HOXD9: variants seen among roughly 807,000 people sequenced by gnomAD.
HOXD9 encodes the protein homeobox D9.
HOXD9 carries 21 observed loss-of-function variants against 24.6 expected under a neutral mutation model. The observed-to-expected ratio is 0.85, with a 90% CI of 0.61 to 1.23. The LOEUF is 1.23. Ranked by LOEUF, HOXD9 falls within the 50% of genes most tolerant of loss-of-function variation. HOXD9 has a pLI of 0.00. For missense variants in HOXD9, 503 were observed against 503.6 expected, an observed-to-expected ratio of 1.00 and a Z score of 0.01; for synonymous variants, 240 against 226.4, an observed-to-expected ratio of 1.06 and a Z score of -0.54.
At position 176,124,294 on chromosome 2, in the gene HOXD9, TC is replaced by T. The variant is rs201376389; in HGVS notation, c.*120del. 89,173 of 1,046,162 alleles carry T rather than the reference TC, an allele frequency of 0.085. 393 individuals carry two copies. The highest frequency in any genetic ancestry group is 0.089 in the Non-Finnish European group (69,170 of 780,840). 64.8% of individuals were successfully genotyped at this position (1,046,162 alleles called of 1,614,324 possible). A position where few individuals can be genotyped will look rare whatever the true frequency, so the allele number is the denominator to read the frequency against. ...CTCTCCAGCGACTTGGACTTCTTCT[TC>T]TTTTTTTTTTTCTTTTTAGATAGAA... On this transcript the variant is annotated 3_prime_UTR_variant, in exon 2 of 2. Transcript: ENST00000249499.
Position 176,123,709 on chromosome 2 carries a change from C to A in HOXD9, c.817+124C>A. 1 of 1,292,042 alleles carries A rather than the reference C, an allele frequency of 7.7e-7. No homozygotes were observed. The highest frequency in any genetic ancestry group is 1.0e-6 in the Non-Finnish European group (1 of 971,010). The allele number at this position is 1,292,042 out of a possible 1,614,324, so 80.0% of individuals were successfully genotyped here. A position where few individuals can be genotyped will look rare whatever the true frequency, so the allele number is the denominator to read the frequency against. On this transcript the variant is annotated intron_variant, in intron 1 of 1. Transcript: ENST00000249499. This position sits in a 1 kb window ranked among gnomAD's most constrained non-coding sequence, Gnocchi z 4.2. ...CGCCTACCCAAGCCTAGGCGAACAA[C>A]ATGCATCCATAAAAAGAGCTTCCCA...
chr2:176,123,444 C>A lies in HOXD9; in HGVS notation c.676C>A (p.Pro226Thr). ...KAAAATGGTGPGAGIGAATGT... is the reference protein window; with the variant it reads ...KAAAATGGTGTGAGIGAATGT... ...GGCAGCGGCGACGGGGGGAACCGGG[C>A]CTGGGGCAGGGATCGGGGCCGCGAC... The change falls in exon 1 of 2, where the codon CCT becomes ACT. Residue 226 changes from proline (P) to threonine (T), a missense_variant. Pro to Thr is a conservative substitution (Grantham distance 38). Transcript: ENST00000249499. This position sits in a 1 kb window ranked among gnomAD's most constrained non-coding sequence, Gnocchi z 4.2. 11 of 1,566,390 alleles carry A rather than the reference C, an allele frequency of 7.0e-6. No individual in the cohort carries two copies. The highest frequency in any genetic ancestry group is 9.5e-6 in the Non-Finnish European group (11 of 1,155,544).
Position 176,124,391 on chromosome 2 carries a change from A to ATCCC in HOXD9, c.*216_*217insTCCC, listed in dbSNP as rs1456543074. ...TGCTCGTTTACGTGTTGGAAAAACC[A>ATCCC]AGTGGCTTTGGGGTTTCGCCCTATC... On this transcript the variant is annotated 3_prime_UTR_variant, in exon 2 of 2. Coordinates refer to ENST00000249499, the MANE Select transcript of HOXD9 (RefSeq NM_014213.4). The ATCCC allele has an allele frequency of 1.0e-4, 56 of 560,634 alleles. No homozygotes were observed. The highest frequency in any genetic ancestry group is 1.9e-4 in the Admixed American group (5 of 25,834). 34.7% of individuals were successfully genotyped at this position (560,634 alleles called of 1,614,324 possible). A position where few individuals can be genotyped will look rare whatever the true frequency, so the allele number is the denominator to read the frequency against.
chr2:176,124,341 T>G lies in HOXD9; in HGVS notation c.*166T>G. 3.6e-6 allele frequency: 4 copies of G among 1,104,216 alleles called. No individual in the cohort carries two copies. Among genetic ancestry groups the G allele is most frequent in the Non-Finnish European group, 4.9e-6 (4 of 814,620 alleles). 68.4% of individuals were successfully genotyped at this position (1,104,216 alleles called of 1,614,324 possible). On this transcript the variant is annotated 3_prime_UTR_variant, in exon 2 of 2. Transcript: ENST00000249499. Reference sequence around the variant, plus strand: ...TAGAAGTGACTGTGTGGTTGGTCTCTGAGGTATTTGGGGGACTCTGTATTT... The same window carrying G: ...TAGAAGTGACTGTGTGGTTGGTCTCGGAGGTATTTGGGGGACTCTGTATTT...
chr2:176,123,995 C>G lies in HOXD9; in HGVS notation c.879C>G (p.Thr293=). ...CCCGGAAAAAGCGCTGTCCCTACAC[C>G]AAATACCAGACGCTTGAGCTGGAGA... The part of the protein sequence containing the change: ...RSTRKKRCPY[T]KYQTLELEKE... Residue 293 remains threonine, a synonymous_variant, in exon 2 of 2, where the codon ACC becomes ACG. Coordinates refer to ENST00000249499, the MANE Select transcript of HOXD9 (RefSeq NM_014213.4). The surrounding 1 kb of genome is among the most constrained non-coding windows in gnomAD (Gnocchi z 4.2). 6.2e-7 allele frequency: 1 copy of G among 1,614,130 alleles called. No homozygotes were observed. The highest frequency in any genetic ancestry group is 8.5e-7 in the Non-Finnish European group (1 of 1,180,010).
chr2:176,122,980 G>C lies in HOXD9; in HGVS notation c.212G>C (p.Arg71Thr). The C allele has an allele frequency of 5.6e-6, 9 of 1,598,358 alleles. No individual in the cohort carries two copies. The highest frequency in any genetic ancestry group is 2.2e-5 in the South Asian group (2 of 89,620). ...TTCGCCTCGTGTAGTTTTGCCCCCA[G>C]ATCGGCCGTGTTCTCTGCCTCGTGG... ...AEFASCSFAPRSAVFSASWSA... is the reference protein window; with the variant it reads ...AEFASCSFAPTSAVFSASWSA... Residue 71 changes from arginine to threonine, a missense_variant, in exon 1 of 2, where the codon AGA (arginine) becomes ACA (threonine). By Grantham distance (71) the Arg-to-Thr change is moderately conservative. Transcript: ENST00000249499.
rs1015721717 is a variant in HOXD9 at position 176,123,288 on chromosome 2, G to C, written c.520G>C (p.Ala174Pro). 1 of 1,530,656 alleles carries C rather than the reference G, an allele frequency of 6.5e-7. No individual in the cohort carries two copies. Among genetic ancestry groups the C allele is most frequent in the Non-Finnish European group, 8.8e-7 (1 of 1,136,184 alleles). The allele number at this position is 1,530,656 out of a possible 1,614,324, so 94.8% of individuals were successfully genotyped here. A position where few individuals can be genotyped will look rare whatever the true frequency, so the allele number is the denominator to read the frequency against. ...AGCGGCCCCGGCCCCCGCCACGGCC[G>C]CCTCCACCACCTCCTCCTCCTCCAC... ...TRAAPAPATA[A>P]STTSSSSTSL... Residue 174 changes from alanine (A) to proline (P), a missense_variant, in exon 1 of 2, where the codon GCC becomes CCC. By Grantham distance (27) the Ala-to-Pro change is conservative. Coordinates refer to ENST00000249499, the MANE Select transcript of HOXD9 (RefSeq NM_014213.4). This position sits in a 1 kb window ranked among gnomAD's most constrained non-coding sequence, Gnocchi z 4.2.
In HOXD9 at chr2:176,122,930, T is replaced by C. The variant is rs369936511; in HGVS notation, c.162T>C (p.Asp54=). ...GAQGRPAGVA[D]GPAATAAEFA... ...AGGGCCGGCCTGCAGGTGTGGCTGATGGCCCGGCCGCCACCGCCGCCGAGT... is the reference window on the plus strand; with the variant it reads ...AGGGCCGGCCTGCAGGTGTGGCTGACGGCCCGGCCGCCACCGCCGCCGAGT... The change falls in exon 1 of 2, where the codon GAT becomes GAC. Residue 54 remains aspartate, a synonymous_variant. Transcript: ENST00000249499. 4.1e-5 allele frequency: 65 copies of C among 1,581,266 alleles called. No individual in the cohort carries two copies. In the African/African-American group the frequency reaches 7.2e-4, roughly 18 times the overall value.
rs202080706 is a variant in HOXD9, at chr2:176,122,882, C to T, written c.114C>T (p.Phe38=). ...GCGACGAGGTGTTCGCGGCGCGCTT[C>T]GGGCCGCCGGGGCCAGGCGCGCAGG... ...HEGDEVFAAR[F]GPPGPGAQGR... is the part of the protein sequence containing the mutation. Residue 38 remains phenylalanine, a synonymous_variant, in exon 1 of 2, where the codon TTC becomes TTT. Transcript: ENST00000249499. 8.1e-5 allele frequency: 129 copies of T among 1,593,140 alleles called. No individual in the cohort carries two copies. Among genetic ancestry groups the T allele is most frequent in the Middle Eastern group, 3.3e-4 (2 of 6,032 alleles).
chr2:176,123,431 G>T lies in HOXD9; in HGVS notation c.663G>T (p.Thr221=), dbSNP rs535219899. The T allele has an allele frequency of 5.1e-5, 80 of 1,561,740 alleles. No individual in the cohort carries two copies. In the South Asian group the frequency reaches 8.2e-4, roughly 16 times the overall value. Residue 221 remains threonine, a synonymous_variant, in exon 1 of 2, where the codon ACG becomes ACT. Coordinates refer to ENST00000249499, the MANE Select transcript of HOXD9 (RefSeq NM_014213.4). This position sits in a 1 kb window ranked among gnomAD's most constrained non-coding sequence, Gnocchi z 4.2. ...TGCAGGAGAAGGCGGCAGCGGCGAC[G>T]GGGGGAACCGGGCCTGGGGCAGGGA... ...SFLQEKAAAA[T]GGTGPGAGIG...
chr2:176,123,081 C>T lies in HOXD9; in HGVS notation c.313C>T (p.Leu105=). The change falls in exon 1 of 2, where the codon CTG becomes TTG. Residue 105 remains leucine, a synonymous_variant. Coordinates refer to ENST00000249499, the MANE Select transcript of HOXD9 (RefSeq NM_014213.4). This position sits in a 1 kb window ranked among gnomAD's most constrained non-coding sequence, Gnocchi z 4.2. ...LYHPYVPPPP[L]AASASEPGRY... Reference sequence around the variant, plus strand: ...CCACCCGTACGTTCCCCCGCCGCCCCTGGCCGCCTCTGCCTCCGAGCCCGG... The same window carrying T: ...CCACCCGTACGTTCCCCCGCCGCCCTTGGCCGCCTCTGCCTCCGAGCCCGG... 1 of 1,552,644 alleles carries T rather than the reference C, an allele frequency of 6.4e-7. No homozygotes were observed. Among genetic ancestry groups the T allele is most frequent in the Non-Finnish European group, 8.7e-7 (1 of 1,154,430 alleles).
At position 176,124,103 on chromosome 2, in the gene HOXD9, C is replaced by A. The variant is rs35299188; in HGVS notation, c.987C>A (p.Val329=). 1 of 1,614,070 alleles carries A rather than the reference C, an allele frequency of 6.2e-7. No individual in the cohort carries two copies. The highest frequency in any genetic ancestry group is 1.3e-5 in the African/African-American group (1 of 75,038). ...ARILNLTERQ[V]KIWFQNRRMK... is the part of the protein sequence containing the mutation. ...TTCTCAACCTAACAGAGAGACAGGTCAAAATCTGGTTTCAGAACCGTAGGA... is the reference window on the plus strand; with the variant it reads ...TTCTCAACCTAACAGAGAGACAGGTAAAAATCTGGTTTCAGAACCGTAGGA... Residue 329 remains valine, a synonymous_variant, in exon 2 of 2, where the codon GTC becomes GTA. Coordinates refer to ENST00000249499, the MANE Select transcript of HOXD9 (RefSeq NM_014213.4).
Position 176,122,791 on chromosome 2 carries a change from G to A in HOXD9, c.23G>A (p.Arg8His), listed in dbSNP as rs752228056. Residue 8 changes from arginine to histidine, a missense_variant, in exon 1 of 2, where the codon CGC becomes CAC. Arg to His is a conservative substitution (Grantham distance 29). Coordinates refer to ENST00000249499, the MANE Select transcript of HOXD9 (RefSeq NM_014213.4). ...GTAATGTTGGGTGGGAGTGCGGGACGCCTCAAAATGTCTTCCAGTGGCACC... is the reference window on the plus strand; with the variant it reads ...GTAATGTTGGGTGGGAGTGCGGGACACCTCAAAATGTCTTCCAGTGGCACC... Reference protein sequence around the residue: MLGGSAGRLKMSSSGTLS... With the variant: MLGGSAGHLKMSSSGTLS... 2.0e-6 allele frequency: 3 copies of A among 1,526,618 alleles called. No homozygotes were observed. The highest frequency in any genetic ancestry group is 1.3e-5 in the South Asian group (1 of 77,844). 94.6% of individuals were successfully genotyped at this position (1,526,618 alleles called of 1,614,324 possible).
At position 176,124,334 on chromosome 2, in the gene HOXD9, T is replaced by C; in HGVS notation, c.*159T>C. 8.5e-7 allele frequency: 1 copy of C among 1,181,508 alleles called. No individual in the cohort carries two copies. The highest frequency in any genetic ancestry group is 1.5e-5 in the African/African-American group (1 of 64,836). 73.2% of individuals were successfully genotyped at this position (1,181,508 alleles called of 1,614,324 possible). A position where few individuals can be genotyped will look rare whatever the true frequency, so the allele number is the denominator to read the frequency against. On this transcript the variant is annotated 3_prime_UTR_variant, in exon 2 of 2. Transcript: ENST00000249499. ...TTTTAGATAGAAGTGACTGTGTGGT[T>C]GGTCTCTGAGGTATTTGGGGGACTC...
chr2:176,124,290 TTCTTC>T lies in HOXD9; in HGVS notation c.*117_*121del. ...GAAACTCTCCAGCGACTTGGACTTC[TTCTTC>T]TTTTTTTTTTTCTTTTTAGATAGAA... On this transcript the variant is annotated 3_prime_UTR_variant, in exon 2 of 2. Transcript: ENST00000249499. The T allele has an allele frequency of 4.2e-6, 6 of 1,416,376 alleles. No individual in the cohort carries two copies. In the African/African-American group the frequency reaches 4.3e-5, roughly 10 times the overall value. The allele number at this position is 1,416,376 out of a possible 1,614,324, so 87.7% of individuals were successfully genotyped here. A position where few individuals can be genotyped will look rare whatever the true frequency, so the allele number is the denominator to read the frequency against.
At position 176,123,807 on chromosome 2, in the gene HOXD9, C is replaced by T; in HGVS notation, c.818-127C>T. ...GCATTAAGGCTTTTTATGATAATTC[C>T]CCACAAGTTGTGAAAAGCGACCATC... On this transcript the variant is annotated intron_variant, in intron 1 of 1. Coordinates refer to ENST00000249499, the MANE Select transcript of HOXD9 (RefSeq NM_014213.4). The surrounding 1 kb of genome is among the most constrained non-coding windows in gnomAD (Gnocchi z 4.2). 9.6e-7 allele frequency: 1 copy of T among 1,037,052 alleles called. No individual in the cohort carries two copies. The highest frequency in any genetic ancestry group is 1.4e-6 in the Non-Finnish European group (1 of 719,878). 64.2% of individuals were successfully genotyped at this position (1,037,052 alleles called of 1,614,324 possible).
Position 176,123,418 on chromosome 2 carries a change from C to T in HOXD9, c.650C>T (p.Ala217Val), listed in dbSNP as rs777301502. The T allele has an allele frequency of 3.2e-6, 5 of 1,557,054 alleles. No homozygotes were observed. The highest frequency in any genetic ancestry group is 1.9e-5 in the Admixed American group (1 of 51,882). ...FSCNSFLQEK[A>V]AAATGGTGPG... is the part of the protein sequence containing the mutation. The stretch of plus-strand genomic sequence containing the variant: ...TGCAACTCGTTCCTGCAGGAGAAGG[C>T]GGCAGCGGCGACGGGGGGAACCGGG... The change falls in exon 1 of 2, where the codon GCG (alanine) becomes GTG (valine). Residue 217 changes from alanine to valine, a missense_variant. Transcript: ENST00000249499. This position sits in a 1 kb window ranked among gnomAD's most constrained non-coding sequence, Gnocchi z 4.2.
At position 176,122,945 on chromosome 2, in the gene HOXD9, C is replaced by A. The variant is rs775965995; in HGVS notation, c.177C>A (p.Thr59=). ...GTGTGGCTGATGGCCCGGCCGCCAC[C>A]GCCGCCGAGTTCGCCTCGTGTAGTT... ...PAGVADGPAA[T]AAEFASCSFA... is the part of the protein sequence containing the mutation. Residue 59 remains threonine, a synonymous_variant, in exon 1 of 2, where the codon ACC becomes ACA. Coordinates refer to ENST00000249499, the MANE Select transcript of HOXD9 (RefSeq NM_014213.4). 5 of 1,582,534 alleles carry A rather than the reference C, an allele frequency of 3.2e-6. No individual in the cohort carries two copies. Among genetic ancestry groups the A allele is most frequent in the East Asian group, 2.4e-5 (1 of 41,682 alleles).
In HOXD9 at chr2:176,123,115, T is replaced by C; in HGVS notation, c.347T>C (p.Val116Ala). ...AASASEPGRY[V>A]RSWMEPLPGF... ...TCTGCCTCCGAGCCCGGCCGCTACG[T>C]GCGCTCCTGGATGGAGCCGCTGCCC... Residue 116 changes from valine (V) to alanine (A), a missense_variant, in exon 1 of 2, where the codon GTG becomes GCG. Val to Ala is a moderately conservative substitution (Grantham distance 64). Coordinates refer to ENST00000249499, the MANE Select transcript of HOXD9 (RefSeq NM_014213.4). The surrounding 1 kb of genome is among the most constrained non-coding windows in gnomAD (Gnocchi z 4.2). The C allele has an allele frequency of 6.6e-7, 1 of 1,505,624 alleles. No individual in the cohort carries two copies. The highest frequency in any genetic ancestry group is 8.8e-7 in the Non-Finnish European group (1 of 1,131,648). The allele number at this position is 1,505,624 out of a possible 1,614,324, so 93.3% of individuals were successfully genotyped here.
Sources: gnomAD v4.1 joint callset for allele counts on GRCh38, gnomAD v4.1.1 for gene constraint, Gnocchi (gnomAD v3.1) non-coding constraint, MANE v1.5 for transcripts, NCBI Gene and HGNC (gene_info 2026-07-23, HGNC 2026-07-21) for gene names.